The following LRRC43 variants were observed in gnomAD, a reference collection of about 807,000 sequenced individuals.
The protein encoded by LRRC43 is leucine rich repeat containing 43, also known as leucine-rich repeat-containing protein 43.
LRRC43 carries 62 observed loss-of-function variants against 64.3 expected under a neutral mutation model. The ratio of observed to expected loss-of-function variants is 0.96; its 90% CI spans 0.79 to 1.19. The LOEUF (loss-of-function observed/expected upper bound fraction) is 1.19. Among genes scored for constraint, LRRC43 ranks in the 50% most tolerant of loss-of-function variants. The probability of loss-of-function intolerance (pLI) is 0.00; values close to 1 mark genes in which losing one functional copy is unlikely to be tolerated. For synonymous variants in LRRC43, 422 were observed against 382.3 expected (o/e 1.10, Z -1.21); for missense variants, 868 against 845.0 (o/e 1.03, Z -0.34).
chr12:122,174,373 G>A (rs1297297005), intron 1 of LRRC43, among the ~76,000 whole-genome samples: 1 of 152,220 alleles, frequency 6.6e-6, no homozygotes, highest in Non-Finnish European at 1.5e-5. Flanking sequence ...GGGCTGAATG[G>A]AAATGCTGAG....
chr12:122,176,836 G>A (rs566514790), intron 1 of LRRC43, among the ~76,000 whole-genome samples: 1 of 152,056 alleles, frequency 6.6e-6, no homozygotes, highest in South Asian at 2.1e-4. Context: ...TGTATTTTTA[G>A]TAGAGATGGA....
At chr12:122,173,820 A>G (rs756415947) in intron 1 of LRRC43, 1 of 1,606,278 alleles carries the variant, frequency 6.2e-7, no homozygotes. Context: ...AATCGTTTAG[A>G]AAAGAAATCT....
chr12:122,182,947 G>C, upstream of LRRC43: 1 of 812,830 alleles, frequency 1.2e-6, no homozygotes, highest in South Asian at 2.0e-5. Flanking sequence ...CTTACTGCCT[G>C]CGGGAGCTGC....
At chr12:122,189,281 G>T in intron 4 of LRRC43, 1 of 364,442 alleles carries the variant, frequency 2.7e-6, no homozygotes, top group Non-Finnish European at 5.5e-6. Context: ...TCCTTCCCCC[G>T]AGGAACCTGG....
At chr12:122,202,366 T>C (rs929583219) in intron 11 of LRRC43, 2 of 152,232 alleles carry the variant, frequency 1.3e-5, no homozygotes, top group African/African-American at 4.8e-5. Context: ...AGTATTTTAA[T>C]AGACCTTAAA....
chr12:122,187,544 C>T (rs1304297139), intron 3 of LRRC43, 157 bp from the exon 4 acceptor site: 6 of 583,680 alleles, frequency 1.0e-5, no homozygotes, highest in Admixed American at 3.1e-5. Flanking sequence ...ATCTTTTCTT[C>T]CTGGGTTTTT....
At chr12:122,170,976 TGCTGCTGCTGCTGCTG>T (rs1953480609) in intron 1 of LRRC43, among the ~76,000 whole-genome samples, 1 of 151,902 alleles carries the variant, frequency 6.6e-6, no homozygotes, top group African/African-American at 2.4e-5. Context: ...TGCCACGGGC[TGCTGCTGCTGCTGCTG>T]GGCCAGGGAC....
In LRRC43 at chr12:122,183,228, C is replaced by T. The variant is rs1434845730; in HGVS notation, c.84C>T (p.Ser28=). The T allele has an allele frequency of 6.4e-7, 1 of 1,566,450 alleles. No homozygotes were observed. The highest frequency in any genetic ancestry group is 1.4e-5 in the African/African-American group (1 of 71,596). ...AGCGGCCCGGGACCGGGACCGTGAG[C>T]GCGGCCGTGCGCGAGCACTTGCGGA... is the stretch of plus-strand genomic sequence containing the variant. ...GTQRPGTGTV[S]AAVREHLRKL... The change falls in exon 1 of 12, where the codon AGC becomes AGT. Residue 28 remains serine, a synonymous_variant. Transcript: ENST00000339777.
chr12:122,169,050 C>CATGTCA (rs1953462795), intron 1 of LRRC43, among the ~76,000 whole-genome samples: 1 of 152,084 alleles, frequency 6.6e-6, no homozygotes, highest in African/African-American at 2.4e-5. Context: ...GTGAGGGGTG[C>CATGTCA]GTGATACCCA....
intron 1 of LRRC43, among the ~76,000 whole-genome samples, chr12:122,170,750 G>A (rs1302132770): frequency 1.3e-5 from 2 of 152,134 alleles, no homozygotes; most frequent in Non-Finnish European, 2.9e-5. Flanking sequence ...CCTTACATAT[G>A]GACTTGTGCA....
Position 122,184,403 on chromosome 12 carries a change from G to C in LRRC43, c.151-116G>C. The C allele has an allele frequency of 1.5e-6, 2 of 1,356,778 alleles. No homozygotes were observed. The allele number at this position is 1,356,778 out of a possible 1,614,324, so 84.0% of individuals were successfully genotyped here. A position where few individuals can be genotyped will look rare whatever the true frequency, so the allele number is the denominator to read the frequency against. The stretch of plus-strand genomic sequence containing the variant: ...GCCACCGCACCTGGCCTACTCTCTA[G>C]ATTTCTAAACTCTATCCCTAATCGT... On this transcript the variant is annotated intron_variant, in intron 1 of 11. Transcript: ENST00000339777. This position sits in a 1 kb window ranked among gnomAD's most constrained non-coding sequence, Gnocchi z 4.0.
intron 1 of LRRC43, among the ~76,000 whole-genome samples, chr12:122,174,997 G>A (rs551123815): frequency 1.0e-3 from 157 of 151,834 alleles, no homozygotes; most frequent in Non-Finnish European, 9.4e-4. Context: ...GTGCCACCAT[G>A]CCCAGCTAAT....
intron 3 of LRRC43, 79 bp from the exon 4 acceptor site, chr12:122,187,622 G>A: frequency 7.3e-7 from 1 of 1,362,398 alleles, no homozygotes; most frequent in Non-Finnish European, 1.0e-6. Flanking sequence ...ACTAAGTTTT[G>A]CGGGACAGAG....
chr12:122,193,381 TAAAAA>T (rs34910328), intron 7 of LRRC43, among the ~76,000 whole-genome samples: 2 of 47,182 alleles, frequency 4.2e-5, no homozygotes, highest in East Asian at 8.3e-4. Flanking sequence ...CTCCGTCTCA[TAAAAA>T]AAAAAAAAAA....
chr12:122,197,308 A>G (rs778896650), intron 7 of LRRC43, among the ~76,000 whole-genome samples: 13 of 147,774 alleles, frequency 8.8e-5, no homozygotes, highest in Non-Finnish European at 1.6e-4. Context: ...TTACAGATGC[A>G]TGTCACCACC....
intron 1 of LRRC43, among the ~76,000 whole-genome samples, chr12:122,173,257 C>T (rs1021956551): frequency 6.6e-6 from 1 of 152,102 alleles, no homozygotes; most frequent in Non-Finnish European, 1.5e-5. Context: ...CCTGAACTGC[C>T]CAGTCATCTT....
Position 122,184,550 on chromosome 12 carries a change from G to A in LRRC43, c.182G>A (p.Arg61Gln), listed in dbSNP as rs1418279107. 3.1e-6 allele frequency: 5 copies of A among 1,613,580 alleles called. No homozygotes were observed. Among genetic ancestry groups the A allele is most frequent in the East Asian group, 2.2e-5 (1 of 44,892 alleles). Residue 61 changes from arginine to glutamine, a missense_variant, in exon 2 of 12, where the codon CGA (arginine) becomes CAA (glutamine). Physicochemically the swap from Arg to Gln is conservative, Grantham distance 43. Coordinates refer to ENST00000339777, the MANE Select transcript of LRRC43 (RefSeq NM_001098519.2). The surrounding 1 kb of genome is among the most constrained non-coding windows in gnomAD (Gnocchi z 4.0). ...TCGCGCTTTCTTCCTCAAACTTGGC[G>A]AACTTGGAGGGAGCTTGTCCCCAGA... ...NKSRFLPQTWRTWRELVPREE... is the reference protein window; with the variant it reads ...NKSRFLPQTWQTWRELVPREE...
intron 1 of LRRC43, among the ~76,000 whole-genome samples, chr12:122,169,671 G>A (rs965497442): frequency 1.7e-4 from 24 of 139,902 alleles, no homozygotes; most frequent in Admixed American, 3.0e-4. Context: ...AGCCGAGATC[G>A]TGCCACTGCA....
In LRRC43 at chr12:122,172,424, C is replaced by G. The variant is rs768738524; in HGVS notation, c.-406+4642C>G. ...GGAAGAGATGGCCTTAAGTGGTGGC[C>G]TGTTGGGCTCCAGAGGTCAATGATT... On this transcript the variant is annotated intron_variant, in intron 1 of 5. Coordinates refer to the LRRC43 transcript ENST00000537729. 6.2e-6 allele frequency: 10 copies of G among 1,612,450 alleles called. No individual in the cohort carries two copies. The African/African-American group carries it at 6.7e-5, about 11-fold the overall frequency.
Sources: allele counts gnomAD v4.1 joint callset (sites outside exome capture counted in the v4.1 genomes callset), GRCh38; gene constraint gnomAD v4.1.1; non-coding constraint Gnocchi (gnomAD v3.1); transcripts MANE v1.5; gene names NCBI Gene and HGNC (gene_info 2026-07-23, HGNC 2026-07-21).